The following PRICKLE2 variants were observed in gnomAD, a reference collection of about 807,000 sequenced individuals.
PRICKLE2 encodes the protein prickle-like protein 2.
PRICKLE2 carries 21 observed loss-of-function variants against 81.4 expected under a neutral mutation model. The ratio of observed to expected loss-of-function variants is 0.26; its 90% CI spans 0.18 to 0.37. The LOEUF is 0.37. Among genes scored for constraint, PRICKLE2 ranks in the 10% least tolerant of loss-of-function variants. PRICKLE2 has a pLI of 1.00. For synonymous variants in PRICKLE2, 456 were observed against 421.5 expected, an observed-to-expected ratio of 1.08 and a Z score of -1.00; for missense variants, 940 against 1,109.0, an observed-to-expected ratio of 0.85 and a Z score of 2.16.
chr3:64,139,328 A>G (rs2077325235), intron 7 of PRICKLE2, among the ~76,000 whole-genome samples: 1 of 152,258 alleles, frequency 6.6e-6, no homozygotes, highest in Admixed American at 6.5e-5. Context: ...AAAAAAACAC[A>G]GAGTAGACCA....
intron 1 of PRICKLE2, among the ~76,000 whole-genome samples, chr3:64,219,486 C>T (rs1419457679): frequency 6.6e-6 from 1 of 152,160 alleles, no homozygotes; most frequent in Admixed American, 6.5e-5. Context: ...CTTCTTCCAC[C>T]TGCCTGCAGT....
chr3:64,182,625 C>A (rs73124899), intron 2 of PRICKLE2: 1 of 152,042 alleles, frequency 6.6e-6, no homozygotes, highest in Middle Eastern at 3.2e-3. Flanking sequence ...AAAGCCCTCA[C>A]CAGATGCTGG....
At chr3:64,122,390 A>G (rs2106969780) in intron 7 of PRICKLE2, among the ~76,000 whole-genome samples, 1 of 152,300 alleles carries the variant, frequency 6.6e-6, no homozygotes, top group Middle Eastern at 3.4e-3. Flanking sequence ...CTGTGTCAGA[A>G]TCACAGAATC....
intron 7 of PRICKLE2, among the ~76,000 whole-genome samples, chr3:64,144,185 G>A (rs1295819106): frequency 6.6e-6 from 1 of 152,190 alleles, no homozygotes; most frequent in Admixed American, 6.5e-5. Flanking sequence ...GATCTGACAG[G>A]ATGGGGCTTG....
At chr3:64,255,600 G>A (rs2079514276) in intron 2 of PRICKLE2, among the ~76,000 whole-genome samples, 1 of 152,176 alleles carries the variant, frequency 6.6e-6, no homozygotes, top group African/African-American at 2.4e-5. Context: ...GCTGCCATAA[G>A]GCCTCAGGGC....
At chr3:64,260,386 G>C (rs1172573164) in intron 2 of PRICKLE2, among the ~76,000 whole-genome samples, 1 of 152,178 alleles carries the variant, frequency 6.6e-6, no homozygotes, top group Non-Finnish European at 1.5e-5. Flanking sequence ...TAATCTCCAT[G>C]GTTCATTCCA....
chr3:64,170,724 A>AAG (rs2077916179), intron 2 of PRICKLE2, among the ~76,000 whole-genome samples: 1 of 150,742 alleles, frequency 6.6e-6, no homozygotes, highest in Non-Finnish European at 1.5e-5. Context: ...AAAAAAAAAA[A>AAG]ACAGCCTGGC....
chr3:64,147,770 CAT>C lies in PRICKLE2; in HGVS notation c.788-70_788-69del. 1.3e-6 allele frequency: 2 copies of C among 1,557,868 alleles called. No individual in the cohort carries two copies. Among genetic ancestry groups the C allele is most frequent in the Non-Finnish European group, 1.8e-6 (2 of 1,130,870 alleles). ...GAGCTCTGCACTGGGACGTGAAACA[CAT>C]AGCACCTTGGTTTGTCTCAGGATTC... is the stretch of plus-strand genomic sequence containing the variant. On this transcript the variant is annotated intron_variant, in intron 6 of 7. Transcript: ENST00000638394. This position sits in a 1 kb window ranked among gnomAD's most constrained non-coding sequence, Gnocchi z 5.0.
chr3:64,142,313 C>CTTTTTTTTTT (rs397936636), intron 7 of PRICKLE2, among the ~76,000 whole-genome samples: 1 of 132,760 alleles, frequency 7.5e-6, no homozygotes, highest in Non-Finnish European at 1.6e-5. Flanking sequence ...TTCTTTCTTT[C>CTTTTTTTTTT]TTTTTTTTTT....
chr3:64,225,063 T>G lies in PRICKLE2; in HGVS notation c.-194A>C. 2 of 985,388 alleles carry G rather than the reference T, an allele frequency of 2.0e-6. No individual in the cohort carries two copies. The highest frequency in any genetic ancestry group is 2.4e-6 in the Non-Finnish European group (2 of 830,028). The allele number at this position is 985,388 out of a possible 1,614,324, so 61.0% of individuals were successfully genotyped here. A position where few individuals can be genotyped will look rare whatever the true frequency, so the allele number is the denominator to read the frequency against. On this transcript the variant is annotated 5_prime_UTR_variant, in exon 1 of 8. Transcript: ENST00000638394. The stretch of plus-strand genomic sequence containing the variant: ...AAAGCATCTTCTCCTCAAACCCCCT[T>G]TTCAGTCTGAACCCTTCCTGAAGCT...
intron 5 of PRICKLE2, among the ~76,000 whole-genome samples, chr3:64,156,361 C>G (rs2107033039): frequency 6.6e-6 from 1 of 152,284 alleles, no homozygotes. Context: ...TTACTTACCT[C>G]CCACACTGCT....
At chr3:64,165,922 G>A (rs181531652) in intron 2 of PRICKLE2, among the ~76,000 whole-genome samples, 1 of 151,718 alleles carries the variant, frequency 6.6e-6, no homozygotes, top group African/African-American at 2.4e-5. Context: ...TGGTATTAAA[G>A]CTAGTTTGAC....
chr3:64,157,441 A>C, intron 4 of PRICKLE2, 76 bp from the exon 5 acceptor site: 1 of 1,437,702 alleles, frequency 7.0e-7, no homozygotes. Flanking sequence ...ATAAAGGACA[A>C]CCACCATTAG....
intron 1 of PRICKLE2, among the ~76,000 whole-genome samples, chr3:64,205,101 T>TAAA (rs3056514): frequency 0.021 from 3,010 of 142,748 alleles, 53 homozygotes; most frequent in South Asian, 0.059. Flanking sequence ...AGGATTTCGT[T>TAAA]AAAAAAAAAA....
chr3:64,199,223 C>G (rs2078522874), intron 1 of PRICKLE2: 2 of 588,130 alleles, frequency 3.4e-6, no homozygotes, highest in Non-Finnish European at 6.0e-6. Context: ...TGGACCCCAG[C>G]CTTCTCTTCT....
chr3:64,244,884 C>T (rs2079323345), intron 2 of PRICKLE2, among the ~76,000 whole-genome samples: 1 of 152,010 alleles, frequency 6.6e-6, no homozygotes, highest in African/African-American at 2.4e-5. Context: ...TGGTTCTCAA[C>T]CAGTATGTCA....
intron 2 of PRICKLE2, among the ~76,000 whole-genome samples, chr3:64,242,042 G>T (rs1220745264): frequency 6.6e-6 from 1 of 152,036 alleles, no homozygotes; most frequent in Non-Finnish European, 1.5e-5. Flanking sequence ...TTAGCTGAAG[G>T]GTTCTTTGGG....
chr3:64,243,338 C>CTA (rs1354831161), intron 2 of PRICKLE2, among the ~76,000 whole-genome samples: 1,542 of 152,304 alleles, frequency 0.01, 33 homozygotes, highest in African/African-American at 0.035. Flanking sequence ...GTACCCATGA[C>CTA]CTATATCCAT....
chr3:64,145,277 T>C (rs1344765514), intron 7 of PRICKLE2: 2 of 146,524 alleles, frequency 1.4e-5, no homozygotes, highest in African/African-American at 5.0e-5. Flanking sequence ...TTTATATATA[T>C]ATATATAATA....
Sources: allele counts gnomAD v4.1 joint callset (sites outside exome capture counted in the v4.1 genomes callset), GRCh38; gene constraint gnomAD v4.1.1; non-coding constraint Gnocchi (gnomAD v3.1); transcripts MANE v1.5; gene names NCBI Gene and HGNC (gene_info 2026-07-23, HGNC 2026-07-21).